DGKI: variants seen among roughly 807,000 people sequenced by gnomAD.
DGKI encodes the protein DAG kinase iota.
DGKI carries 55 observed loss-of-function variants against 147.5 expected under a neutral mutation model. That is an observed-to-expected ratio of 0.37 (90% CI 0.30 to 0.47). DGKI has a LOEUF of 0.47. DGKI is among the 20% of genes least tolerant of loss of function. DGKI has a pLI of 1.00. For missense variants in DGKI, 1,007 were observed against 1,323.8 expected (o/e 0.76, Z 3.71); for synonymous variants, 469 against 477.1 (o/e 0.98, Z 0.22).
At chr7:137,636,021 A>C (rs1043530815) in intron 6 of DGKI, among the ~76,000 whole-genome samples, 1 of 152,254 alleles carries the variant, frequency 6.6e-6, no homozygotes, top group African/African-American at 2.4e-5. Context: ...AGGCACAGAA[A>C]GGAGCCAGCA....
intron 1 of DGKI, among the ~76,000 whole-genome samples, chr7:137,792,645 G>T (rs1386233634): frequency 1.3e-5 from 2 of 152,196 alleles, no homozygotes; most frequent in Non-Finnish European, 2.9e-5. Context: ...TTGGAGATGG[G>T]GCCTGGCAGG....
chr7:137,410,524 CA>C (rs1313234177), intron 29 of DGKI, among the ~76,000 whole-genome samples: 1 of 152,168 alleles, frequency 6.6e-6, no homozygotes, highest in African/African-American at 2.4e-5. Flanking sequence ...ACTGAAATGA[CA>C]AAAACCAAAT....
At position 137,391,172 on chromosome 7, in the gene DGKI, G is replaced by T. The variant is rs929274644; in HGVS notation, c.*48C>A. On this transcript the variant is annotated 3_prime_UTR_variant, in exon 33 of 33. Transcript: ENST00000614521. ...AGGGGAGCTGCCCAATTGCAGGGAG[G>T]GCAGATGTGATACGCTTGCTCATGT... is the stretch of plus-strand genomic sequence containing the variant. 7.2e-7 allele frequency: 1 copy of T among 1,389,492 alleles called. No individual in the cohort carries two copies. Among genetic ancestry groups the T allele is most frequent in the Non-Finnish European group, 1.0e-6 (1 of 976,458 alleles). 86.1% of individuals were successfully genotyped at this position (1,389,492 alleles called of 1,614,324 possible). A position where few individuals can be genotyped will look rare whatever the true frequency, so the allele number is the denominator to read the frequency against.
intron 5 of DGKI, among the ~76,000 whole-genome samples, chr7:137,650,017 A>C (rs1821969483): frequency 6.6e-6 from 1 of 152,100 alleles, no homozygotes; most frequent in African/African-American, 2.4e-5. Context: ...TATAATGTGA[A>C]CTAGGGTCAA....
intron 5 of DGKI, among the ~76,000 whole-genome samples, chr7:137,653,278 C>T (rs1306935294): frequency 2.0e-5 from 3 of 152,228 alleles, no homozygotes; most frequent in African/African-American, 7.2e-5. Context: ...TCTTAGTTCA[C>T]GTCACCATTA....
At chr7:137,842,304 C>T (rs114395711) in intron 1 of DGKI, among the ~76,000 whole-genome samples, 3,090 of 152,298 alleles carry the variant, frequency 0.02, 120 homozygotes, top group African/African-American at 0.07. Context: ...AATAACACAA[C>T]CTTACTTTGT....
intron 21 of DGKI, among the ~76,000 whole-genome samples, chr7:137,517,706 G>T (rs933739278): frequency 6.6e-6 from 1 of 152,070 alleles, no homozygotes; most frequent in Non-Finnish European, 1.5e-5. Context: ...ATAAAAATTT[G>T]TTGCAAAAAA....
intron 12 of DGKI, among the ~76,000 whole-genome samples, chr7:137,592,907 G>C (rs896839430): frequency 6.6e-6 from 1 of 152,198 alleles, no homozygotes; most frequent in African/African-American, 2.4e-5. Context: ...AATCCACACT[G>C]AAGGTACACT....
At chr7:137,597,318 C>A (rs1819830619) in intron 12 of DGKI, among the ~76,000 whole-genome samples, 1 of 152,026 alleles carries the variant, frequency 6.6e-6, no homozygotes, top group Non-Finnish European at 1.5e-5. Flanking sequence ...ATTATACATT[C>A]TATGCATATA....
intron 1 of DGKI, among the ~76,000 whole-genome samples, chr7:137,703,924 T>G (rs76605148): frequency 0.038 from 5,800 of 152,192 alleles, 326 homozygotes; most frequent in African/African-American, 0.13. Flanking sequence ...TTTTTAAAAA[T>G]TGCAGGCCAG....
chr7:137,439,843 G>A (rs1355338518), intron 28 of DGKI, among the ~76,000 whole-genome samples: 1 of 152,218 alleles, frequency 6.6e-6, no homozygotes, highest in East Asian at 1.9e-4. Context: ...CTAAGAGGTA[G>A]GACAGGAGAG....
rs1165579764 is a variant in DGKI at position 137,785,297 on chromosome 7, T to C, written c.401+61165A>G. ...CAATTAGAAACAAAATGGGAGATATTACAACTAATACCACAGAAATACAAG... is the reference window on the plus strand; with the variant it reads ...CAATTAGAAACAAAATGGGAGATATCACAACTAATACCACAGAAATACAAG... On this transcript the variant is annotated intron_variant, in intron 1 of 32. Coordinates refer to ENST00000614521, the MANE Select transcript of DGKI (RefSeq NM_001321708.2). Among the ~76,000 whole-genome samples the C allele has an allele frequency of 3.3e-5, 5 of 152,064 alleles. No individual in the cohort carries two copies. In the East Asian group the frequency reaches 5.8e-4, roughly 18 times the overall value.
At chr7:137,625,578 A>G (rs544100911) in intron 6 of DGKI, among the ~76,000 whole-genome samples, 25 of 152,036 alleles carry the variant, frequency 1.6e-4, no homozygotes, top group Non-Finnish European at 2.6e-4. Flanking sequence ...TTGACAGCAC[A>G]GTTAAGAGAG....
intron 2 of DGKI, among the ~76,000 whole-genome samples, chr7:137,689,428 G>A (rs1368298574): frequency 6.6e-6 from 1 of 152,186 alleles, no homozygotes; most frequent in Non-Finnish European, 1.5e-5. Context: ...ACCTACTGAT[G>A]CCAGACCCAT....
chr7:137,806,159 G>C (rs2116980339), intron 1 of DGKI, among the ~76,000 whole-genome samples: 1 of 152,318 alleles, frequency 6.6e-6, no homozygotes. Flanking sequence ...GGCTTTAGAA[G>C]GCAGGGGAAA....
chr7:137,437,117 C>T (rs995794164), intron 28 of DGKI, among the ~76,000 whole-genome samples: 17 of 152,148 alleles, frequency 1.1e-4, no homozygotes, highest in Non-Finnish European at 1.6e-4. Flanking sequence ...CTGACTATCT[C>T]TGTTACTAGT....
At chr7:137,470,364 C>A (rs555082353) in intron 23 of DGKI, among the ~76,000 whole-genome samples, 1 of 152,038 alleles carries the variant, frequency 6.6e-6, no homozygotes, top group Non-Finnish European at 1.5e-5. Context: ...CCTCTGGGTT[C>A]GGATAAAAAT....
intron 1 of DGKI, among the ~76,000 whole-genome samples, chr7:137,713,487 A>G (rs1794278086): frequency 6.6e-6 from 1 of 152,230 alleles, no homozygotes; most frequent in African/African-American, 2.4e-5. Context: ...AATGAGACAC[A>G]TAATACACAT....
At chr7:137,442,055 G>A (rs753703480) in intron 28 of DGKI, among the ~76,000 whole-genome samples, 6 of 152,070 alleles carry the variant, frequency 3.9e-5, no homozygotes, top group Non-Finnish European at 5.9e-5. Flanking sequence ...AGAAAATGAT[G>A]AACAATTACA....
Sources: gnomAD v4.1 joint callset for allele counts (sites outside exome capture counted in the v4.1 genomes callset) on GRCh38, gnomAD v4.1.1 for gene constraint, MANE v1.5 for transcripts, NCBI Gene and HGNC (gene_info 2026-07-23, HGNC 2026-07-21) for gene names.